Variants in SARNP observed in about 807,000 individuals in gnomAD.
The protein encoded by SARNP is SAP domain-containing ribonucleoprotein.
In SARNP, 5 loss-of-function variants were observed where a neutral mutation model predicts 38.1. That is an observed-to-expected ratio of 0.13 (90% CI 0.07 to 0.28). The LOEUF is 0.28. Among genes scored for constraint, SARNP ranks in the 10% least tolerant of loss-of-function variants. The pLI, the probability that SARNP is intolerant of heterozygous loss-of-function variation, is 1.00. For missense variants in SARNP, 180 were observed against 243.9 expected, an observed-to-expected ratio of 0.74 and a Z score of 1.75; for synonymous variants, 84 against 80.6, an observed-to-expected ratio of 1.04 and a Z score of -0.23.
At chr12:55,803,846 C>A (rs1264669289) in intron 1 of SARNP, 118 bp from the exon 2 acceptor site, 1 of 637,552 alleles carries the variant, frequency 1.6e-6, no homozygotes. Flanking sequence ...AAATTACTGC[C>A]CTTAATTCTA....
intron 9 of SARNP, among the ~76,000 whole-genome samples, chr12:55,766,995 A>AT (rs1461859210): frequency 1.3e-5 from 2 of 152,134 alleles, no homozygotes; most frequent in African/African-American, 2.4e-5. Flanking sequence ...GTATCATTGT[A>AT]TTTTCCATTG....
intron 9 of SARNP, among the ~76,000 whole-genome samples, chr12:55,778,844 A>G (rs2136188397): frequency 6.6e-6 from 1 of 152,184 alleles, no homozygotes; most frequent in East Asian, 1.9e-4. Flanking sequence ...GGTGGCGCAC[A>G]CTTGTAATCC....
At chr12:55,760,220 C>T (rs1398116737) in intron 10 of SARNP, among the ~76,000 whole-genome samples, 1 of 151,966 alleles carries the variant, frequency 6.6e-6, no homozygotes, top group Non-Finnish European at 1.5e-5. Context: ...GGTGGGTGGC[C>T]AGACATAGTG....
chr12:55,802,942 A>G (rs1880026462), intron 2 of SARNP, among the ~76,000 whole-genome samples: 2 of 151,526 alleles, frequency 1.3e-5, no homozygotes, highest in South Asian at 4.2e-4. Flanking sequence ...AAAAAAACAC[A>G]ATACTTAGTG....
chr12:55,794,913 A>C (rs1253443343), intron 5 of SARNP, 33 bp from the exon 6 acceptor site: 2 of 1,283,386 alleles, frequency 1.6e-6, no homozygotes, highest in East Asian at 4.8e-5. Context: ...GAGAAAAAAA[A>C]GTCAATTTAT....
At chr12:55,763,051 T>C (rs1325674535) in intron 9 of SARNP, among the ~76,000 whole-genome samples, 1 of 152,222 alleles carries the variant, frequency 6.6e-6, no homozygotes, top group Non-Finnish European at 1.5e-5. Context: ...TCACAGTTTA[T>C]TACTAGAATA....
chr12:55,802,361 G>A (rs567674367), intron 2 of SARNP, among the ~76,000 whole-genome samples: 4 of 151,432 alleles, frequency 2.6e-5, no homozygotes, highest in African/African-American at 7.3e-5. Context: ...TAGTATATAG[G>A]ATATAGTATA....
rs1019129425 is a variant in SARNP, at chr12:55,814,182, C to G, written c.36+3484G>C. Reference sequence around the variant, plus strand: ...GGGGAATGACTCCTATAATAAATATCTAAGTGGTGAAATCGCTCCCCCTAC... The same window carrying G: ...GGGGAATGACTCCTATAATAAATATGTAAGTGGTGAAATCGCTCCCCCTAC... On this transcript the variant is annotated intron_variant, in intron 1 of 10. Coordinates refer to ENST00000336133, the MANE Select transcript of SARNP (RefSeq NM_033082.4). Among the ~76,000 whole-genome samples the G allele has an allele frequency of 3.8e-4, 58 of 152,182 alleles. 1 individual carries two copies. Among genetic ancestry groups the G allele is most frequent in the African/African-American group, 1.3e-3 (55 of 41,528 alleles).
At chr12:55,796,717 GA>G (rs1175292789) in intron 4 of SARNP, among the ~76,000 whole-genome samples, 8 of 151,692 alleles carry the variant, frequency 5.3e-5, no homozygotes, top group Admixed American at 3.9e-4. Context: ...ATTTACTTTT[GA>G]ACTAATGAGT....
intron 9 of SARNP, 40 bp downstream of exon 9, chr12:55,789,035 T>C: frequency 7.2e-7 from 1 of 1,388,924 alleles, no homozygotes; most frequent in Non-Finnish European, 1.0e-6. Context: ...TAAGCTGCTC[T>C]AATGTCACAA....
At chr12:55,812,861 T>TA (rs1471199219) in intron 1 of SARNP, among the ~76,000 whole-genome samples, 1 of 152,236 alleles carries the variant, frequency 6.6e-6, no homozygotes, top group Non-Finnish European at 1.5e-5. Flanking sequence ...TACAGGGAAA[T>TA]AATCATGAGC....
chr12:55,784,106 G>A (rs1879418883), intron 9 of SARNP, among the ~76,000 whole-genome samples: 1 of 152,180 alleles, frequency 6.6e-6, no homozygotes, highest in South Asian at 2.1e-4. Flanking sequence ...ATGACAAAAA[G>A]TGGGTTTTTC....
chr12:55,790,706 A>T, intron 7 of SARNP, 114 bp from the exon 8 acceptor site: 1 of 1,064,096 alleles, frequency 9.4e-7, no homozygotes, highest in African/African-American at 1.6e-5. Context: ...GACAAAGAAA[A>T]GGCAGAAATT....
chr12:55,810,882 G>A lies in SARNP; in HGVS notation c.36+6784C>T, dbSNP rs1237465315. On this transcript the variant is annotated intron_variant, in intron 1 of 10. Coordinates refer to ENST00000336133, the MANE Select transcript of SARNP (RefSeq NM_033082.4). ...ACCTGAGGTCAGGAGTTCAAGACCA[G>A]CCTGGCCAACATGGTGAAACTCTGT... Among the ~76,000 whole-genome samples the A allele has an allele frequency of 2.6e-5, 4 of 151,762 alleles. No individual in the cohort carries two copies. In the East Asian group the frequency reaches 7.8e-4, roughly 29 times the overall value.
At position 55,757,433 on chromosome 12, in the gene SARNP, G is replaced by C; in HGVS notation, c.*79C>G. ...AGGCAGGACGTAGGCACATGACTGTGCATTTAGGCATATATGTGACCAAGA... is the reference window on the plus strand; with the variant it reads ...AGGCAGGACGTAGGCACATGACTGTCCATTTAGGCATATATGTGACCAAGA... On this transcript the variant is annotated 3_prime_UTR_variant, in exon 11 of 11. Transcript: ENST00000336133. 4.0e-6 allele frequency: 5 copies of C among 1,251,676 alleles called. No individual in the cohort carries two copies. The highest frequency in any genetic ancestry group is 5.7e-6 in the Non-Finnish European group (5 of 882,120). 77.5% of individuals were successfully genotyped at this position (1,251,676 alleles called of 1,614,324 possible). A position where few individuals can be genotyped will look rare whatever the true frequency, so the allele number is the denominator to read the frequency against.
At chr12:55,792,457 C>T (rs1458998220) in intron 7 of SARNP, 2 of 151,724 alleles carry the variant, frequency 1.3e-5, no homozygotes, top group African/African-American at 4.8e-5. Context: ...CTGCAAGCTC[C>T]GCTTCCCACG....
At position 55,796,081 on chromosome 12, in the gene SARNP, AAAAG is replaced by A. The variant is rs1879811866; in HGVS notation, c.252-9_252-6del. On this transcript the variant is annotated splice_polypyrimidine_tract_variant and splice_region_variant and intron_variant, in intron 4 of 10. Coordinates refer to ENST00000336133, the MANE Select transcript of SARNP (RefSeq NM_033082.4). ...ACCACTTTCTTCTCTGCTGCCCTAG[AAAAG>A]AAAGAGATTTTTTAAAATGAGAAAA... 1.9e-6 allele frequency: 3 copies of A among 1,602,582 alleles called. No homozygotes were observed. The highest frequency in any genetic ancestry group is 1.3e-5 in the African/African-American group (1 of 74,840).
chr12:55,813,424 A>G (rs1032786533), intron 1 of SARNP, among the ~76,000 whole-genome samples: 2 of 152,176 alleles, frequency 1.3e-5, no homozygotes, highest in African/African-American at 4.8e-5. Flanking sequence ...CAGCCGGAGT[A>G]CTACAGCCGA....
rs533641201 is a variant in SARNP, at chr12:55,810,180, G to A, written c.37-6452C>T. ...CAGACTGGAATGCAGCAGTGCAATC[G>A]CAGCTCACTGCAGCCTCGACCTCCT... On this transcript the variant is annotated intron_variant, in intron 1 of 10. Transcript: ENST00000336133. Among the ~76,000 whole-genome samples the A allele has an allele frequency of 2.6e-5, 4 of 152,196 alleles. No individual in the cohort carries two copies. The East Asian group carries it at 5.8e-4, about 22-fold the overall frequency.
Sources: gnomAD v4.1 joint callset for allele counts (sites outside exome capture counted in the v4.1 genomes callset) on GRCh38, gnomAD v4.1.1 for gene constraint, MANE v1.5 for transcripts, NCBI Gene and HGNC (gene_info 2026-07-23, HGNC 2026-07-21) for gene names.